The following ZNF462 variants were observed in gnomAD, a reference collection of about 807,000 sequenced individuals.
ZNF462 encodes the protein zinc finger PBX1-interacting protein.
Under a neutral mutation model 201.9 loss-of-function variants are expected in ZNF462, and 10 were observed. The ratio of observed to expected loss-of-function variants is 0.05; its 90% confidence interval spans 0.03 to 0.08. ZNF462 has a LOEUF of 0.08. ZNF462 is among the 10% of genes least tolerant of loss of function. The pLI is 1.00. For synonymous variants in ZNF462, 1,227 were observed against 1,193.3 expected, an observed-to-expected ratio of 1.03 and a Z score of -0.58; for missense variants, 2,523 against 3,168.3, an observed-to-expected ratio of 0.80 and a Z score of 4.89.
At position 106,910,937 on chromosome 9, in the gene ZNF462, A is replaced by C. The variant is rs148920214; in HGVS notation, c.-30-12417A>C. 3.6e-3 allele frequency among the ~76,000 whole-genome samples: 543 copies of C among 152,312 alleles called. 6 individuals are homozygous for C. Among genetic ancestry groups the C allele is most frequent in the African/African-American group, 0.012 (518 of 41,570 alleles). On this transcript the variant is annotated intron_variant, in intron 1 of 12. Coordinates refer to ENST00000277225, the MANE Select transcript of ZNF462 (RefSeq NM_021224.6). ...TCTAAGCTTGGAGGTATTTTCTAAT[A>C]AGATTTTATTTATCACGAAAGCGTC...
rs567576803 is a variant in ZNF462, at chr9:106,911,648, A to G, written c.-30-11706A>G. ...GGATGGGAATTACTTAGACCTTCCA[A>G]AAGCAGGTAAAAGTGTTCTACATGG... On this transcript the variant is annotated intron_variant, in intron 1 of 12. Transcript: ENST00000277225. Among the ~76,000 whole-genome samples the G allele has an allele frequency of 3.9e-5, 6 of 152,344 alleles. No individual in the cohort carries two copies. In the South Asian group the frequency reaches 1.2e-3, roughly 32 times the overall value.
At chr9:106,967,506 C>CA (rs374137082) in intron 7 of ZNF462, among the ~76,000 whole-genome samples, 3,552 of 145,184 alleles carry the variant, frequency 0.024, 141 homozygotes, top group African/African-American at 0.081. Flanking sequence ...CTGGAATTAG[C>CA]AAAAAAAAAA....
Position 106,974,018 on chromosome 9 carries a change from T to A in ZNF462, c.6696-119T>A. ...CAAACATGATGAACAGATTTTTTTT[T>A]AGCCCCACAAGCAGGAGAGCCGCAC... On this transcript the variant is annotated intron_variant, in intron 8 of 12. Coordinates refer to ENST00000277225, the MANE Select transcript of ZNF462 (RefSeq NM_021224.6). This position sits in a 1 kb window ranked among gnomAD's most constrained non-coding sequence, Gnocchi z 4.0. 7.5e-7 allele frequency: 1 copy of A among 1,331,470 alleles called. No homozygotes were observed. The highest frequency in any genetic ancestry group is 1.0e-6 in the Non-Finnish European group (1 of 965,850). 82.5% of individuals were successfully genotyped at this position (1,331,470 alleles called of 1,614,324 possible). A position where few individuals can be genotyped will look rare whatever the true frequency, so the allele number is the denominator to read the frequency against.
chr9:106,878,191 C>G (rs1404885358), intron 1 of ZNF462, among the ~76,000 whole-genome samples: 1 of 152,228 alleles, frequency 6.6e-6, no homozygotes, highest in African/African-American at 2.4e-5. Flanking sequence ...TAATGCTCCT[C>G]TGCTCCAGTT....
chr9:106,899,216 ATGTGTG>A (rs1828943083), intron 1 of ZNF462, among the ~76,000 whole-genome samples: 1 of 91,094 alleles, frequency 1.1e-5, no homozygotes, highest in Non-Finnish European at 2.0e-5. Context: ...GAGAGAGAGA[ATGTGTG>A]TGTATGTGTG....
Position 106,929,799 on chromosome 9 carries a change from C to T in ZNF462, c.5847+40C>T. 3 of 1,553,798 alleles carry T rather than the reference C, an allele frequency of 1.9e-6. No homozygotes were observed. Among genetic ancestry groups the T allele is most frequent in the Non-Finnish European group, 2.6e-6 (3 of 1,143,232 alleles). On this transcript the variant is annotated intron_variant, in intron 3 of 12. Coordinates refer to ENST00000277225, the MANE Select transcript of ZNF462 (RefSeq NM_021224.6). The surrounding 1 kb of genome is among the most constrained non-coding windows in gnomAD (Gnocchi z 8.7). ...TGATTTCCCTTCCCCCAGGAGGCCT[C>T]TCATCACTGGTGCCCACATGCACTT...
chr9:106,891,387 AT>A (rs1056008138), intron 1 of ZNF462, among the ~76,000 whole-genome samples: 7 of 151,156 alleles, frequency 4.6e-5, no homozygotes, highest in East Asian at 1.9e-4. Flanking sequence ...AAAACAAGTG[AT>A]TTTTTTTTCT....
chr9:106,929,479 T>C lies in ZNF462; in HGVS notation c.5567T>C (p.Phe1856Ser). The change falls in exon 3 of 13, where the codon TTT becomes TCT. Residue 1856 changes from phenylalanine to serine, a missense_variant. By Grantham distance (155) the Phe-to-Ser change is radical. Transcript: ENST00000277225. The surrounding 1 kb of genome is among the most constrained non-coding windows in gnomAD (Gnocchi z 8.7). ...FRCIKCFKLS[F>S]STAELLCMHY... The stretch of plus-strand genomic sequence containing the variant: ...TGCATCAAATGCTTCAAGCTGTCCT[T>C]TAGCACTGCAGAGCTGCTGTGCATG... 6.2e-7 allele frequency: 1 copy of C among 1,614,124 alleles called. No individual in the cohort carries two copies. Among genetic ancestry groups the C allele is most frequent in the Non-Finnish European group, 8.5e-7 (1 of 1,180,030 alleles).
Position 106,929,369 on chromosome 9 carries a change from A to T in ZNF462, c.5457A>T (p.Thr1819=). The T allele has an allele frequency of 6.2e-7, 1 of 1,614,114 alleles. No homozygotes were observed. Among genetic ancestry groups the T allele is most frequent in the Non-Finnish European group, 8.5e-7 (1 of 1,180,040 alleles). ...ATGCAGATGAGCATGAGAAGCCCAC[A>T]CTGATGGAAGAAGAGGAGAGAGGCA... ...AVYADEHEKP[T]LMEEEERGNF... is the part of the protein sequence containing the mutation. Residue 1819 remains threonine, a synonymous_variant, in exon 3 of 13, where the codon ACA becomes ACT. Transcript: ENST00000277225. The surrounding 1 kb of genome is among the most constrained non-coding windows in gnomAD (Gnocchi z 8.7).
intron 9 of ZNF462, among the ~76,000 whole-genome samples, chr9:106,982,895 A>G (rs1307712435): frequency 2.6e-5 from 4 of 152,200 alleles, no homozygotes; most frequent in Non-Finnish European, 5.9e-5. Flanking sequence ...AGTGAGTCGC[A>G]TCGGTGTACA....
intron 1 of ZNF462, among the ~76,000 whole-genome samples, chr9:106,879,345 C>G (rs549573191): frequency 8.4e-6 from 1 of 118,688 alleles, no homozygotes; most frequent in African/African-American, 3.1e-5. Flanking sequence ...CCCCCCCCCA[C>G]CCCCCACCTT....
In ZNF462 at chr9:106,962,855, A is replaced by G. The variant is rs528415210; in HGVS notation, c.6428-9150A>G. Reference sequence around the variant, plus strand: ...CATCCATTGTCCCCCTGGCCATTGTATCATAATCTTGTGCGTCCAGGCCAG... The same window carrying G: ...CATCCATTGTCCCCCTGGCCATTGTGTCATAATCTTGTGCGTCCAGGCCAG... On this transcript the variant is annotated intron_variant, in intron 7 of 12. Transcript: ENST00000277225. The surrounding 1 kb of genome is among the most constrained non-coding windows in gnomAD (Gnocchi z 4.6). Among the ~76,000 whole-genome samples, 3 of 152,050 alleles carry G rather than the reference A, an allele frequency of 2.0e-5. No individual in the cohort carries two copies. The highest frequency in any genetic ancestry group is 3.9e-4 in the East Asian group (2 of 5,144).
rs1826692105 is a variant in ZNF462, at chr9:106,972,733, A to G, written c.6695+461A>G. On this transcript the variant is annotated intron_variant, in intron 8 of 12. Coordinates refer to ENST00000277225, the MANE Select transcript of ZNF462 (RefSeq NM_021224.6). The surrounding 1 kb of genome is among the most constrained non-coding windows in gnomAD (Gnocchi z 4.8). ...AAGATCGTAGTATTGAAAGACACAT[A>G]GAGAATCAAGACCCTGGCACTTCCA... 6.6e-6 allele frequency among the ~76,000 whole-genome samples: 1 copy of G among 152,224 alleles called. No individual in the cohort carries two copies. The highest frequency in any genetic ancestry group is 1.5e-5 in the Non-Finnish European group (1 of 68,040).
chr9:106,928,646 G>C lies in ZNF462; in HGVS notation c.4734G>C (p.Arg1578=). 6.2e-7 allele frequency: 1 copy of C among 1,614,096 alleles called. No homozygotes were observed. The highest frequency in any genetic ancestry group is 8.5e-7 in the Non-Finnish European group (1 of 1,180,036). The change falls in exon 3 of 13, where the codon CGG becomes CGC. Residue 1578 remains arginine (R), a synonymous_variant. Coordinates refer to ENST00000277225, the MANE Select transcript of ZNF462 (RefSeq NM_021224.6). The surrounding 1 kb of genome is among the most constrained non-coding windows in gnomAD (Gnocchi z 9.3). ...TCAAGCAAGGGTATGGCGCCTACCG[G>C]TGCAAACTGTGTCCGTACACACACG... The part of the protein sequence containing the change: ...RIFKQGYGAY[R]CKLCPYTHGT...
rs1383750903 is a variant in ZNF462, at chr9:107,010,363, T to C, written c.7314-460T>C. ...TCAGGTTTTTGTTTTTAGTTTGTTT[T>C]CGTGATTTGTTTCGGGACCTGACAA... On this transcript the variant is annotated intron_variant, in intron 12 of 12. Transcript: ENST00000277225. The surrounding 1 kb of genome is among the most constrained non-coding windows in gnomAD (Gnocchi z 4.6). 1.3e-5 allele frequency among the ~76,000 whole-genome samples: 2 copies of C among 152,284 alleles called. No individual in the cohort carries two copies. Among genetic ancestry groups the C allele is most frequent in the Admixed American group, 6.5e-5 (1 of 15,290 alleles).
At chr9:106,988,480 C>CA (rs1315433304) in intron 10 of ZNF462, among the ~76,000 whole-genome samples, 1 of 152,066 alleles carries the variant, frequency 6.6e-6, no homozygotes, top group Admixed American at 6.6e-5. Context: ...GTGATGTCCT[C>CA]AGAGTTATTA....
chr9:106,965,920 C>G (rs1832050498), intron 7 of ZNF462, among the ~76,000 whole-genome samples: 1 of 152,080 alleles, frequency 6.6e-6, no homozygotes, highest in African/African-American at 2.4e-5. Context: ...CCAAAAGTTT[C>G]CTGGCTATTA....
upstream of ZNF462, among the ~76,000 whole-genome samples, chr9:106,862,017 T>G (rs1827081274): frequency 6.6e-6 from 1 of 152,122 alleles, no homozygotes; most frequent in African/African-American, 2.4e-5. This position sits in a 1 kb window ranked among gnomAD's most constrained non-coding sequence, Gnocchi z 4.2. Context: ...TTTCACAAGT[T>G]AGGAAAAGAA....
At chr9:106,989,319 TGTTTATGTG>T (rs1043665178) in intron 10 of ZNF462, among the ~76,000 whole-genome samples, 4 of 152,198 alleles carry the variant, frequency 2.6e-5, no homozygotes, top group Non-Finnish European at 4.4e-5. Context: ...TTTCAAATTC[TGTTTATGTG>T]GTGTATCACA....
Sources: allele counts gnomAD v4.1 joint callset (sites outside exome capture counted in the v4.1 genomes callset), GRCh38; gene constraint gnomAD v4.1.1; non-coding constraint Gnocchi (gnomAD v3.1); transcripts MANE v1.5; gene names NCBI Gene and HGNC (gene_info 2026-07-23, HGNC 2026-07-21).